HDAC9: variants seen among roughly 807,000 people sequenced by gnomAD.
The protein encoded by HDAC9 is MEF-2 interacting transcription repressor (MITR) protein.
Under a neutral mutation model 139.4 loss-of-function variants are expected in HDAC9, and 41 were observed. That is an observed-to-expected ratio of 0.29 (90% confidence interval 0.23 to 0.38). The LOEUF (loss-of-function observed/expected upper bound fraction) is 0.38. Ranked by LOEUF, HDAC9 falls within the 10% of genes least tolerant of loss-of-function variation. The pLI is 1.00. For missense variants in HDAC9, 1,147 were observed against 1,297.0 expected (o/e 0.88, Z 1.78); for synonymous variants, 517 against 476.2 (o/e 1.09, Z -1.12).
intron 19 of HDAC9, 124 bp from the exon 20 acceptor site, chr7:18,835,343 G>A (rs765969115): frequency 6.7e-5 from 70 of 1,041,324 alleles, no homozygotes; most frequent in Admixed American, 2.6e-4. Context: ...AAAGAGGAAC[G>A]TAGTGAGAAG....
chr7:18,535,539 C>A (rs1295984747), intron 2 of HDAC9, among the ~76,000 whole-genome samples: 2 of 151,526 alleles, frequency 1.3e-5, no homozygotes, highest in Non-Finnish European at 2.9e-5. Context: ...ATGATGATCT[C>A]TATTATATCT....
intron 12 of HDAC9, among the ~76,000 whole-genome samples, chr7:18,708,747 G>A (rs533834101): frequency 6.6e-6 from 1 of 152,084 alleles, no homozygotes; most frequent in Non-Finnish European, 1.5e-5. Flanking sequence ...CTTGGTGGAG[G>A]GGAGAGGCCT....
intron 1 of HDAC9, among the ~76,000 whole-genome samples, chr7:18,118,781 A>G (rs1437947165): frequency 2.6e-5 from 4 of 152,182 alleles, no homozygotes; most frequent in Admixed American, 6.5e-5. Context: ...AGGGAAAGCC[A>G]TTACTACAGT....
intron 2 of HDAC9, among the ~76,000 whole-genome samples, chr7:18,199,921 C>G (rs548185724): frequency 6.6e-6 from 1 of 151,838 alleles, no homozygotes; most frequent in African/African-American, 2.4e-5. Flanking sequence ...CAGAGTAAGA[C>G]CTTGTCTCTG....
At chr7:18,555,681 T>C (rs1818581449) in intron 2 of HDAC9, among the ~76,000 whole-genome samples, 2 of 152,150 alleles carry the variant, frequency 1.3e-5, no homozygotes, top group African/African-American at 4.8e-5. Flanking sequence ...GTTGATATTT[T>C]CTGTATTTTA....
At chr7:18,130,244 A>G (rs1784917596) in intron 1 of HDAC9, among the ~76,000 whole-genome samples, 1 of 152,114 alleles carries the variant, frequency 6.6e-6, no homozygotes, top group Admixed American at 6.6e-5. Flanking sequence ...ATTTTGGAGC[A>G]TTTTGGATTT....
intron 16 of HDAC9, among the ~76,000 whole-genome samples, chr7:18,786,650 C>CTT (rs1791819099): frequency 8.3e-6 from 1 of 120,082 alleles, no homozygotes; most frequent in African/African-American, 3.4e-5. Flanking sequence ...TTCTTCCCTC[C>CTT]TTCTTTCCTC....
intron 14 of HDAC9, among the ~76,000 whole-genome samples, chr7:18,758,390 T>G (rs1174565505): frequency 2.0e-5 from 3 of 152,182 alleles, no homozygotes; most frequent in Admixed American, 6.5e-5. Flanking sequence ...TTTTGACTCT[T>G]TATGCTATTG....
intron 2 of HDAC9, among the ~76,000 whole-genome samples, chr7:18,181,641 T>C (rs1206237500): frequency 6.6e-6 from 1 of 152,170 alleles, no homozygotes; most frequent in African/African-American, 2.4e-5. Flanking sequence ...ACCACAATTA[T>C]ACAATTTTTG....
chr7:18,788,925 G>T (rs150636462), intron 16 of HDAC9, among the ~76,000 whole-genome samples: 95 of 152,218 alleles, frequency 6.2e-4, no homozygotes, highest in African/African-American at 2.0e-3. Context: ...AGGACCAGAA[G>T]AGATGGATTT....
intron 21 of HDAC9, among the ~76,000 whole-genome samples, chr7:18,872,413 T>C (rs968276224): frequency 1.3e-5 from 2 of 152,120 alleles, no homozygotes; most frequent in African/African-American, 2.4e-5. Context: ...AGAGCTATAG[T>C]TCCCCTGTAA....
chr7:18,561,701 T>A (rs1820668643), intron 2 of HDAC9, among the ~76,000 whole-genome samples: 1 of 152,212 alleles, frequency 6.6e-6, no homozygotes, highest in Non-Finnish European at 1.5e-5. Flanking sequence ...ATACCAAATA[T>A]GTGGTCGCTT....
intron 1 of HDAC9, among the ~76,000 whole-genome samples, chr7:18,131,140 C>T (rs926864092): frequency 2.6e-5 from 4 of 152,078 alleles, no homozygotes; most frequent in African/African-American, 4.8e-5. Context: ...CTTCCATCCA[C>T]CTCTAAATAA....
At chr7:18,635,792 G>T (rs1043104549) in intron 8 of HDAC9, among the ~76,000 whole-genome samples, 2 of 151,990 alleles carry the variant, frequency 1.3e-5, no homozygotes, top group African/African-American at 4.8e-5. Context: ...CATCTCCATA[G>T]CTTTTCTACC....
At chr7:18,424,419 T>C (rs10225505) in intron 1 of HDAC9, among the ~76,000 whole-genome samples, 1,700 of 152,314 alleles carry the variant, frequency 0.011, 34 homozygotes, top group African/African-American at 0.038. Context: ...ATAAAATAAT[T>C]ATAGGACAGT....
intron 21 of HDAC9, among the ~76,000 whole-genome samples, chr7:18,864,695 C>G (rs1303436528): frequency 2.0e-5 from 3 of 151,424 alleles, no homozygotes; most frequent in Admixed American, 2.0e-4. Context: ...CCAAAATGCT[C>G]TACTTACAGA....
At chr7:18,686,378 GC>G (rs1782270688) in intron 12 of HDAC9, among the ~76,000 whole-genome samples, 1 of 151,914 alleles carries the variant, frequency 6.6e-6, no homozygotes, top group Admixed American at 6.6e-5. Context: ...TGTATGGATG[GC>G]TTCACAGTTG....
chr7:18,426,912 T>A (rs1276303872), intron 1 of HDAC9, among the ~76,000 whole-genome samples: 1 of 152,186 alleles, frequency 6.6e-6, no homozygotes, highest in Non-Finnish European at 1.5e-5. Flanking sequence ...GACTAATTAG[T>A]TTTTGGTCTT....
Position 18,260,042 on chromosome 7 carries a change from A to G in HDAC9, c.25+97693A>G, listed in dbSNP as rs569841890. On this transcript the variant is annotated intron_variant, in intron 2 of 12. Transcript: ENST00000417496. ...AGAGATCTTTATATTTTTCTTTCCT[A>G]TATGGGCTACTGTTAGGTGTGTGTA... 5.3e-5 allele frequency among the ~76,000 whole-genome samples: 8 copies of G among 152,240 alleles called. No homozygotes were observed. In the South Asian group the frequency reaches 1.7e-3, roughly 32 times the overall value.
Sources: gnomAD v4.1 joint callset for allele counts (sites outside exome capture counted in the v4.1 genomes callset) on GRCh38, gnomAD v4.1.1 for gene constraint, MANE v1.5 for transcripts, NCBI Gene and HGNC (gene_info 2026-07-23, HGNC 2026-07-21) for gene names.